Variants in COL6A5 observed in about 807,000 individuals in gnomAD.
The protein encoded by COL6A5 is collagen alpha-5(VI) chain.
Under a neutral mutation model 65.6 loss-of-function variants are expected in COL6A5, and 48 were observed. The ratio of observed to expected loss-of-function variants is 0.73; its 90% CI spans 0.58 to 0.93. The LOEUF is 0.93. Ranked by LOEUF, COL6A5 falls within the 40% of genes least tolerant of loss-of-function variation. The pLI, the probability that COL6A5 is intolerant of heterozygous loss-of-function variation, is 0.00. For synonymous variants in COL6A5, 291 were observed against 322.8 expected (o/e 0.90, Z 1.05); for missense variants, 914 against 928.3 (o/e 0.98, Z 0.20).
intron 29 of COL6A5, among the ~76,000 whole-genome samples, chr3:130,425,893 C>T (rs989373905): frequency 1.3e-5 from 2 of 152,144 alleles, no homozygotes; most frequent in Non-Finnish European, 2.9e-5. Flanking sequence ...ATGAGAAATA[C>T]CTTCCTCTAA....
At chr3:130,454,829 TTTC>T (rs1433314655) in intron 4 of COL6A5, among the ~76,000 whole-genome samples, 3 of 152,104 alleles carry the variant, frequency 2.0e-5, no homozygotes, top group Non-Finnish European at 4.4e-5. Flanking sequence ...TGCTTGTGAG[TTTC>T]TTTTCACTTA....
At chr3:130,391,605 T>A in exon 7 of COL6A5, 1 of 1,551,598 alleles carries the variant, frequency 6.4e-7, no homozygotes, top group Non-Finnish European at 8.7e-7. Flanking sequence ...GGCATCACCA[T>A]CTTTGCAGTG....
intron 10 of COL6A5, among the ~76,000 whole-genome samples, chr3:130,398,964 CT>C (rs755512401): frequency 6.6e-6 from 1 of 152,222 alleles, no homozygotes; most frequent in Non-Finnish European, 1.5e-5. Context: ...ACAGCTCCTA[CT>C]GTTCCTTCTT....
intron 4 of COL6A5, among the ~76,000 whole-genome samples, chr3:130,383,371 G>A (rs1372693276): frequency 6.6e-6 from 1 of 152,020 alleles, no homozygotes; most frequent in Non-Finnish European, 1.5e-5. Flanking sequence ...AGGCAGGGAT[G>A]AATGGGCATT....
chr3:130,455,377 T>C (rs1021052203), intron 4 of COL6A5, 78 bp from the exon 37 acceptor site: 6 of 789,194 alleles, frequency 7.6e-6, no homozygotes, highest in Non-Finnish European at 1.2e-5. Context: ...TAATTAAATA[T>C]GTTAAATGTT....
At chr3:130,458,889 G>A (rs1048078028) in intron 5 of COL6A5, among the ~76,000 whole-genome samples, 5 of 152,044 alleles carry the variant, frequency 3.3e-5, no homozygotes, top group African/African-American at 1.2e-4. Flanking sequence ...CCAACAGAAT[G>A]CACTTTGTTC....
chr3:130,388,938 G>A (rs990271650), exon 6 of COL6A5: 25 of 1,547,756 alleles, frequency 1.6e-5, no homozygotes, highest in African/African-American at 1.4e-4. Context: ...ATGGAGTAGC[G>A]CAGGATGATG....
chr3:130,388,498 T>A, intron 5 of COL6A5, 82 bp from the exon 6 acceptor site: 2 of 1,071,294 alleles, frequency 1.9e-6, no homozygotes, highest in Non-Finnish European at 2.6e-6. Context: ...TTCTCATTAA[T>A]GCATTTGTTT....
intron 8 of COL6A5, among the ~76,000 whole-genome samples, chr3:130,397,327 G>T (rs1436114211): frequency 6.6e-6 from 1 of 151,546 alleles, no homozygotes; most frequent in African/African-American, 2.4e-5. Flanking sequence ...ATTTTAAAGG[G>T]GACAGAGAAA....
chr3:130,480,087 T>C (rs569480623), intron 7 of COL6A5, among the ~76,000 whole-genome samples: 1 of 152,192 alleles, frequency 6.6e-6, no homozygotes, highest in South Asian at 2.1e-4. Flanking sequence ...ATAATATTTA[T>C]CAGTGCTTAA....
intron 27 of COL6A5, among the ~76,000 whole-genome samples, chr3:130,422,140 A>G (rs1042971471): frequency 5.9e-5 from 9 of 152,106 alleles, no homozygotes; most frequent in African/African-American, 1.4e-4. Flanking sequence ...TAATGAATGA[A>G]TTACCAAAAG....
intron 5 of COL6A5, among the ~76,000 whole-genome samples, chr3:130,456,449 G>A (rs751546867): frequency 6.6e-6 from 1 of 151,968 alleles, no homozygotes; most frequent in Admixed American, 6.6e-5. Context: ...ATAACCAAAA[G>A]AGTATAATTC....
intron 20 of COL6A5, among the ~76,000 whole-genome samples, chr3:130,411,073 A>C (rs1457288555): frequency 1.3e-5 from 2 of 152,212 alleles, no homozygotes; most frequent in Non-Finnish European, 2.9e-5. Flanking sequence ...AAATGGGCCA[A>C]AGCACTGGCA....
intron 4 of COL6A5, among the ~76,000 whole-genome samples, chr3:130,454,970 A>G (rs1002424276): frequency 6.6e-6 from 1 of 151,966 alleles, no homozygotes; most frequent in Non-Finnish European, 1.5e-5. Flanking sequence ...ACAAGAACCA[A>G]TCTCTACAAA....
At chr3:130,417,045 G>A (rs544100005) in intron 24 of COL6A5, among the ~76,000 whole-genome samples, 20 of 151,374 alleles carry the variant, frequency 1.3e-4, no homozygotes, top group Non-Finnish European at 2.4e-4. Context: ...TTTAAGCCCC[G>A]CATGCATTAG....
intron 5 of COL6A5, 24 bp downstream of exon 37, chr3:130,455,690 G>C: frequency 6.4e-7 from 1 of 1,551,014 alleles, no homozygotes. Flanking sequence ...AAGTCATGAT[G>C]GAAATGTTTA....
intron 5 of COL6A5, among the ~76,000 whole-genome samples, chr3:130,457,918 C>T (rs777086989): frequency 1.9e-4 from 29 of 152,070 alleles, no homozygotes. Flanking sequence ...ATAAGCACCT[C>T]CATATGCTGT....
At chr3:130,385,326 TA>T (rs1388750145) in exon 5 of COL6A5, 1 of 1,550,164 alleles carries the variant, frequency 6.5e-7, no homozygotes, top group Non-Finnish European at 8.7e-7. Context: ...TTGAAAAGCA[TA>T]AAAAATGAAG....
At chr3:130,356,995 T>A (rs1165816819) in intron 1 of COL6A5, among the ~76,000 whole-genome samples, 2 of 151,922 alleles carry the variant, frequency 1.3e-5, no homozygotes, top group African/African-American at 4.8e-5. Context: ...CACAGAAAAT[T>A]GAGAATTAAG....
Sources: allele counts gnomAD v4.1 joint callset (sites outside exome capture counted in the v4.1 genomes callset), GRCh38; gene constraint gnomAD v4.1.1; transcripts MANE v1.5; gene names NCBI Gene and HGNC (gene_info 2026-07-23, HGNC 2026-07-21).